Variants in RBFOX3 observed in about 807,000 individuals in gnomAD.
The protein encoded by RBFOX3 is RNA binding protein fox-1 homolog 3.
RBFOX3 carries 17 observed loss-of-function variants against 48.7 expected under a neutral mutation model. That is an observed-to-expected ratio of 0.35 (90% CI 0.24 to 0.52). The LOEUF (loss-of-function observed/expected upper bound fraction) is 0.52, where lower values mean the gene tolerates loss of function less well. RBFOX3 is among the 20% of genes least tolerant of loss of function. RBFOX3 has a pLI of 0.94. For synonymous variants in RBFOX3, 212 were observed against 209.5 expected, an observed-to-expected ratio of 1.01 and a Z score of -0.10; for missense variants, 382 against 497.5, an observed-to-expected ratio of 0.77 and a Z score of 2.21.
chr17:79,639,700 A>G, the RBFOX3 span, among the ~76,000 whole-genome samples: 1 of 152,240 alleles, frequency 6.6e-6, no homozygotes. Context: ...ACATAAATCA[A>G]TGTTATATAC....
At chr17:79,208,078 C>T (rs959393131) in intron 4 of RBFOX3, among the ~76,000 whole-genome samples, 5 of 152,092 alleles carry the variant, frequency 3.3e-5, no homozygotes, top group South Asian at 4.1e-4. Context: ...CTTCTTCCTG[C>T]GTCTGGAGGG....
At chr17:79,412,110 A>G (rs1244254521) in intron 2 of RBFOX3, among the ~76,000 whole-genome samples, 1 of 151,590 alleles carries the variant, frequency 6.6e-6, no homozygotes, top group East Asian at 2.0e-4. Context: ...TGGTGTGTGT[A>G]TATAAATGTG....
chr17:79,510,266 G>A (rs1338136183), intron 1 of RBFOX3, among the ~76,000 whole-genome samples: 1 of 152,120 alleles, frequency 6.6e-6, no homozygotes, highest in African/African-American at 2.4e-5. Context: ...CGGGACTCTC[G>A]GCTCCCTGTA....
In RBFOX3 at chr17:79,195,056, A is replaced by G. The variant is rs1419375928; in HGVS notation, c.-34+40710T>C. On this transcript the variant is annotated intron_variant, in intron 4 of 14. Transcript: ENST00000693108. The surrounding 1 kb of genome is among the most constrained non-coding windows in gnomAD (Gnocchi z 5.3). ...TCAGCCCCACCGACATCAGCTCACT[A>G]TCATCCCCATTGCCTGCGCGGTGCC... Among the ~76,000 whole-genome samples, 1 of 151,970 alleles carries G rather than the reference A, an allele frequency of 6.6e-6. No individual in the cohort carries two copies. The highest frequency in any genetic ancestry group is 1.5e-5 in the Non-Finnish European group (1 of 67,998).
At chr17:79,645,862 GGA>G in the RBFOX3 span, among the ~76,000 whole-genome samples, 1 of 152,116 alleles carries the variant, frequency 6.6e-6, no homozygotes, top group Admixed American at 6.5e-5. Context: ...ACACCCCCAT[GGA>G]GGGGCCCAGA....
At chr17:79,187,536 G>T (rs2053661240) in intron 4 of RBFOX3, among the ~76,000 whole-genome samples, 1 of 152,224 alleles carries the variant, frequency 6.6e-6, no homozygotes, top group African/African-American at 2.4e-5. Context: ...TTGGGCATGA[G>T]CACTGGGGGA....
chr17:79,213,076 T>C lies in RBFOX3; in HGVS notation c.-34+22690A>G, dbSNP rs577321354. 3.3e-5 allele frequency among the ~76,000 whole-genome samples: 5 copies of C among 152,178 alleles called. No homozygotes were observed. The East Asian group carries it at 7.8e-4, about 24-fold the overall frequency. ...TTCACTATGTTGGCCAGGCTGGTCATGAACTCCTGACCTCAAGTGATCTGC... is the reference window on the plus strand; with the variant it reads ...TTCACTATGTTGGCCAGGCTGGTCACGAACTCCTGACCTCAAGTGATCTGC... On this transcript the variant is annotated intron_variant, in intron 4 of 14. Coordinates refer to ENST00000693108, the MANE Select transcript of RBFOX3 (RefSeq NM_001350451.2).
chr17:79,367,679 C>G (rs1307543637), intron 2 of RBFOX3, among the ~76,000 whole-genome samples: 2 of 152,176 alleles, frequency 1.3e-5, no homozygotes, highest in African/African-American at 4.8e-5. Context: ...GAAAATGGCA[C>G]TACCATCCAC....
chr17:79,276,506 T>C (rs1485471961), intron 3 of RBFOX3, among the ~76,000 whole-genome samples: 2 of 152,002 alleles, frequency 1.3e-5, no homozygotes, highest in Non-Finnish European at 2.9e-5. Context: ...TGCAACATGG[T>C]GAAACCCCAT....
At chr17:79,604,708 C>T (rs991814573) in intron 1 of RBFOX3, among the ~76,000 whole-genome samples, 24 of 152,270 alleles carry the variant, frequency 1.6e-4, no homozygotes, top group Admixed American at 4.6e-4. Context: ...CTAAAGGTAC[C>T]AGGGTGTTTG....
rs915450755 is a variant in RBFOX3, at chr17:79,272,240, C to T, written c.-74+35484G>A. The stretch of plus-strand genomic sequence containing the variant: ...GCCACTGGTTACATGGCCTTTGTGG[C>T]TGGGGGCGGGGGGCTCTGCTGATCT... On this transcript the variant is annotated intron_variant, in intron 3 of 14. Coordinates refer to ENST00000693108, the MANE Select transcript of RBFOX3 (RefSeq NM_001350451.2). Among the ~76,000 whole-genome samples, 88 of 152,014 alleles carry T rather than the reference C, an allele frequency of 5.8e-4. 1 individual carries two copies. Among genetic ancestry groups the T allele is most frequent in the Non-Finnish European group, 1.8e-4 (12 of 68,000 alleles).
rs1234069559 is a variant in RBFOX3, at chr17:79,172,213, CCAA to C, written c.-33-56468_-33-56466del. 1.7e-4 allele frequency among the ~76,000 whole-genome samples: 25 copies of C among 149,718 alleles called. No homozygotes were observed. The East Asian group carries it at 4.9e-3, about 29-fold the overall frequency. ...AAAAAAAGAGAAAAAGAAAAAAACG[CCAA>C]CCTTTTATTTTCCCAAATGAGGACA... On this transcript the variant is annotated intron_variant, in intron 4 of 14. Coordinates refer to ENST00000693108, the MANE Select transcript of RBFOX3 (RefSeq NM_001350451.2).
chr17:79,654,928 T>C, the RBFOX3 span, among the ~76,000 whole-genome samples: 1 of 152,226 alleles, frequency 6.6e-6, no homozygotes, highest in Admixed American at 6.5e-5. Context: ...GACTAAGATC[T>C]GACTCCGCGG....
intron 2 of RBFOX3, among the ~76,000 whole-genome samples, chr17:79,412,231 TTGTG>T: frequency 7.9e-6 from 1 of 127,102 alleles, no homozygotes; most frequent in South Asian, 2.7e-4. Flanking sequence ...TATGCATGTG[TTGTG>T]TGTGATATGT....
In RBFOX3 at chr17:79,313,200, G is replaced by T. The variant is rs116394431; in HGVS notation, c.-174-5376C>A. Reference sequence around the variant, plus strand: ...CCCCCTTGCTTCTGGCACCTTCCAGGCTCTTGCATACCCCACTGGGGTGGG... The same window carrying T: ...CCCCCTTGCTTCTGGCACCTTCCAGTCTCTTGCATACCCCACTGGGGTGGG... On this transcript the variant is annotated intron_variant, in intron 2 of 14. Coordinates refer to ENST00000693108, the MANE Select transcript of RBFOX3 (RefSeq NM_001350451.2). 3.0e-3 allele frequency among the ~76,000 whole-genome samples: 454 copies of T among 152,312 alleles called. 4 individuals carry two copies. The highest frequency in any genetic ancestry group is 0.01 in the African/African-American group (435 of 41,574).
chr17:79,557,756 T>C (rs1209620943), intron 1 of RBFOX3, among the ~76,000 whole-genome samples: 2 of 152,174 alleles, frequency 1.3e-5, no homozygotes, highest in Non-Finnish European at 2.9e-5. Flanking sequence ...TGTCAGCGTA[T>C]CGGGCAGGCG....
At chr17:79,637,329 C>T in the RBFOX3 span, among the ~76,000 whole-genome samples, 1 of 152,098 alleles carries the variant, frequency 6.6e-6, no homozygotes, top group African/African-American at 2.4e-5. Flanking sequence ...GAACTTTCTA[C>T]TCAATAGCAG....
rs554552398 is a variant in RBFOX3 at position 79,220,081 on chromosome 17, G to A, written c.-34+15685C>T. Reference sequence around the variant, plus strand: ...AGGGTGGCATGGCCTGGGAAGGCACGGGGTGGGGGGGTGGGGGGAGCACGC... The same window carrying A: ...AGGGTGGCATGGCCTGGGAAGGCACAGGGTGGGGGGGTGGGGGGAGCACGC... On this transcript the variant is annotated intron_variant, in intron 4 of 14. Transcript: ENST00000693108. This position sits in a 1 kb window ranked among gnomAD's most constrained non-coding sequence, Gnocchi z 5.9. 2.0e-5 allele frequency among the ~76,000 whole-genome samples: 3 copies of A among 151,902 alleles called. No individual in the cohort carries two copies. The highest frequency in any genetic ancestry group is 4.2e-4 in the South Asian group (2 of 4,798).
chr17:79,624,391 C>T, the RBFOX3 span, among the ~76,000 whole-genome samples: 2 of 152,030 alleles, frequency 1.3e-5, no homozygotes, highest in Non-Finnish European at 2.9e-5. Flanking sequence ...AGGGAGGCAG[C>T]CCTCACCCTA....
Sources: gnomAD v4.1 joint callset for allele counts (sites outside exome capture counted in the v4.1 genomes callset) on GRCh38, gnomAD v4.1.1 for gene constraint, Gnocchi (gnomAD v3.1) non-coding constraint, MANE v1.5 for transcripts, NCBI Gene and HGNC (gene_info 2026-07-23, HGNC 2026-07-21) for gene names.